Variants in NOL10 observed in about 807,000 individuals in gnomAD.
The protein encoded by NOL10 is H_NH0074G24.1.
NOL10 carries 58 observed loss-of-function variants against 103.5 expected under a neutral mutation model. That is an observed-to-expected ratio of 0.56 (90% CI 0.45 to 0.70). The LOEUF (loss-of-function observed/expected upper bound fraction) is 0.70, where lower values mean the gene tolerates loss of function less well. Among genes scored for constraint, NOL10 ranks in the 30% least tolerant of loss-of-function variants. The probability of loss-of-function intolerance (pLI) is 0.00; values close to 1 mark genes in which losing one functional copy is unlikely to be tolerated. For missense variants in NOL10, 763 were observed against 807.3 expected (o/e 0.95, Z 0.67); for synonymous variants, 287 against 282.5 (o/e 1.02, Z -0.16).
chr2:10,686,997 C>T (rs1232698844), intron 1 of NOL10, among the ~76,000 whole-genome samples: 3 of 152,164 alleles, frequency 2.0e-5, no homozygotes, highest in Non-Finnish European at 2.9e-5. Flanking sequence ...TGATAGTTAT[C>T]GATATGCAGA....
rs1156476396 is a variant in NOL10, at chr2:10,657,834, C to A, written c.814G>T (p.Gly272Trp). The part of the protein sequence containing the change: ...KPLLVKDHQY[G>W]LPIKSVHFQD... ...AAATGAACGGACTTAATGGGCAGCC[C>A]ATACTGGTGATCTTTAACTAGCAAT... Residue 272 changes from glycine to tryptophan, a missense_variant, in exon 11 of 21, where the codon GGG (glycine) becomes TGG (tryptophan). Coordinates refer to ENST00000381685, the MANE Select transcript of NOL10 (RefSeq NM_024894.4). The A allele has an allele frequency of 6.5e-7, 1 of 1,550,166 alleles. No individual in the cohort carries two copies. Among genetic ancestry groups the A allele is most frequent in the South Asian group, 1.2e-5 (1 of 83,686 alleles).
At chr2:10,616,373 C>T (rs1238949608) in intron 13 of NOL10, among the ~76,000 whole-genome samples, 2 of 151,680 alleles carry the variant, frequency 1.3e-5, no homozygotes, top group Non-Finnish European at 2.9e-5. Context: ...GCGTGTGCCA[C>T]TACGCCTGGC....
intron 8 of NOL10, among the ~76,000 whole-genome samples, chr2:10,664,678 T>C (rs781603466): frequency 6.6e-6 from 1 of 152,150 alleles, no homozygotes; most frequent in Non-Finnish European, 1.5e-5. Context: ...TAGCTGCATC[T>C]ATGGTATGCA....
Position 10,602,796 on chromosome 2 carries a change from C to A in NOL10, c.1312G>T (p.Ala438Ser). The A allele has an allele frequency of 6.2e-7, 1 of 1,601,164 alleles. No individual in the cohort carries two copies. Among genetic ancestry groups the A allele is most frequent in the Non-Finnish European group, 8.5e-7 (1 of 1,169,672 alleles). The change falls in exon 16 of 21, where the codon GCA becomes TCA. Residue 438 changes from alanine (A) to serine (S), a missense_variant. Transcript: ENST00000381685. ...TTTACCTTTAACTGGACTCTCTGTG[C>A]ACGTGTTTCTTCTATTTTCTGTCGT... ...KIRQKIEETR[A>S]QRVQLKKLPK...
chr2:10,603,174 A>G lies in NOL10; in HGVS notation c.1154-17T>C. 6.3e-7 allele frequency: 1 copy of G among 1,582,728 alleles called. No individual in the cohort carries two copies. The highest frequency in any genetic ancestry group is 8.7e-7 in the Non-Finnish European group (1 of 1,155,226). On this transcript the variant is annotated splice_polypyrimidine_tract_variant and intron_variant, in intron 14 of 20. Coordinates refer to ENST00000381685, the MANE Select transcript of NOL10 (RefSeq NM_024894.4). ...GGGTGAGCCCTGGGAAAGGTCAAAC[A>G]GAAGACAGCAGGTCCTTATGCAATC...
At chr2:10,637,206 A>C (rs960902815) in intron 13 of NOL10, among the ~76,000 whole-genome samples, 1 of 150,678 alleles carries the variant, frequency 6.6e-6, no homozygotes, top group African/African-American at 2.4e-5. Flanking sequence ...AAAAAAAAAA[A>C]AAAAAAACAC....
intron 13 of NOL10, among the ~76,000 whole-genome samples, chr2:10,631,153 T>C (rs1423529087): frequency 6.6e-6 from 1 of 152,196 alleles, no homozygotes; most frequent in East Asian, 1.9e-4. Flanking sequence ...TTTCAACATA[T>C]ACTAATGGGG....
At chr2:10,609,561 C>T (rs1209451221) in intron 13 of NOL10, among the ~76,000 whole-genome samples, 1 of 152,008 alleles carries the variant, frequency 6.6e-6, no homozygotes, top group African/African-American at 2.4e-5. Context: ...GATCACGCCA[C>T]TGCACTCCAG....
intron 8 of NOL10, 103 bp downstream of exon 8, chr2:10,667,115 A>C: frequency 1.3e-6 from 1 of 786,312 alleles, no homozygotes; most frequent in Non-Finnish European, 2.1e-6. Flanking sequence ...CTATCACCTC[A>C]TTATCATCCT....
chr2:10,661,888 A>T (rs1012546357), intron 9 of NOL10, among the ~76,000 whole-genome samples: 2 of 152,026 alleles, frequency 1.3e-5, no homozygotes, highest in African/African-American at 4.8e-5. Context: ...TAAAAAATAA[A>T]ATTACCTAAA....
chr2:10,604,969 T>C (rs766318022), intron 14 of NOL10: 1 of 152,266 alleles, frequency 6.6e-6, no homozygotes, highest in African/African-American at 2.4e-5. Flanking sequence ...TAACCTAGCA[T>C]TTCCCAAACT....
intron 13 of NOL10, among the ~76,000 whole-genome samples, chr2:10,625,743 G>A (rs565444549): frequency 2.9e-4 from 44 of 152,302 alleles, no homozygotes; most frequent in Non-Finnish European, 5.4e-4. Flanking sequence ...AAGCCTGGGG[G>A]AAAAGCTGAT....
chr2:10,683,732 ACT>A (rs1473968848), intron 2 of NOL10, among the ~76,000 whole-genome samples: 3 of 152,156 alleles, frequency 2.0e-5, no homozygotes, highest in African/African-American at 4.8e-5. Flanking sequence ...ACGCAAATCC[ACT>A]GTGTGCCAAG....
At chr2:10,686,874 C>T (rs1682249725) in intron 1 of NOL10, among the ~76,000 whole-genome samples, 1 of 137,398 alleles carries the variant, frequency 7.3e-6, no homozygotes, top group Non-Finnish European at 1.7e-5. Context: ...TGGTGTTCTA[C>T]TTTGGACAAG....
At chr2:10,614,094 G>A (rs6432124) in intron 13 of NOL10, among the ~76,000 whole-genome samples, 1 of 151,206 alleles carries the variant, frequency 6.6e-6, no homozygotes, top group South Asian at 2.1e-4. Context: ...CTAGTAGCTG[G>A]GACTACAGGC....
In NOL10 at chr2:10,624,252, G is replaced by A. The variant is rs190295824; in HGVS notation, c.1027-16941C>T. Among the ~76,000 whole-genome samples the A allele has an allele frequency of 5.3e-5, 8 of 151,780 alleles. 1 individual carries two copies. The highest frequency in any genetic ancestry group is 5.3e-4 in the Admixed American group (8 of 15,236). ...GATTTGGCAGGGTCACAGGACAATAGTGGAGGGAAGGTCAGCAGATAAACA... is the reference window on the plus strand; with the variant it reads ...GATTTGGCAGGGTCACAGGACAATAATGGAGGGAAGGTCAGCAGATAAACA... On this transcript the variant is annotated intron_variant, in intron 13 of 20. Coordinates refer to ENST00000381685, the MANE Select transcript of NOL10 (RefSeq NM_024894.4).
intron 13 of NOL10, among the ~76,000 whole-genome samples, chr2:10,638,271 C>A (rs115066759): frequency 0.07 from 10,654 of 151,662 alleles, 974 homozygotes; most frequent in African/African-American, 0.21. Flanking sequence ...GGTGACAGAG[C>A]AAGACCCTGT....
chr2:10,687,553 A>G (rs1448171585), intron 1 of NOL10, among the ~76,000 whole-genome samples: 1 of 152,238 alleles, frequency 6.6e-6, no homozygotes, highest in Non-Finnish European at 1.5e-5. Flanking sequence ...ACCTAGTCCC[A>G]AATAACGACA....
chr2:10,589,077 A>C lies in NOL10; in HGVS notation c.1810T>G (p.Phe604Val), dbSNP rs766010513. The change falls in exon 19 of 21, where the codon TTC becomes GTC. Residue 604 changes from phenylalanine (F) to valine (V), a missense_variant. Phe to Val is a conservative substitution (Grantham distance 50, BLOSUM62 -1). Coordinates refer to ENST00000381685, the MANE Select transcript of NOL10 (RefSeq NM_024894.4). Reference protein sequence around the residue: ...EIKAGEEFRSFKDSATKQKLM... With the variant: ...EIKAGEEFRSVKDSATKQKLM... The stretch of plus-strand genomic sequence containing the variant: ...TTCTGCTTTGTGGCAGAATCTTTGA[A>C]GCTTCTAAATTCTTCTCCTGCTTTG... The C allele has an allele frequency of 1.2e-6, 2 of 1,613,896 alleles. No homozygotes were observed. Among genetic ancestry groups the C allele is most frequent in the African/African-American group, 1.3e-5 (1 of 74,940 alleles).
Sources: gnomAD v4.1 joint callset for allele counts (sites outside exome capture counted in the v4.1 genomes callset) on GRCh38, gnomAD v4.1.1 for gene constraint, MANE v1.5 for transcripts, NCBI Gene and HGNC (gene_info 2026-07-23, HGNC 2026-07-21) for gene names.